ROBO1: variants seen among roughly 807,000 people sequenced by gnomAD.
The protein encoded by ROBO1 is roundabout guidance receptor 1.
In ROBO1, 149 loss-of-function variants were observed where a neutral mutation model predicts 195.9. The observed-to-expected ratio is 0.76, with a 90% confidence interval of 0.67 to 0.87. ROBO1 has a LOEUF of 0.87. Ranked by LOEUF, ROBO1 falls within the 40% of genes least tolerant of loss-of-function variation. The pLI is 0.00. For synonymous variants in ROBO1, 816 were observed against 733.2 expected (o/e 1.11, Z -1.82); for missense variants, 1,933 against 2,068.3 (o/e 0.93, Z 1.27).
At chr3:79,689,918 T>A (rs1947250066) in intron 1 of ROBO1, among the ~76,000 whole-genome samples, 1 of 151,988 alleles carries the variant, frequency 6.6e-6, no homozygotes, top group Non-Finnish European at 1.5e-5. Flanking sequence ...GGACAGTGTA[T>A]AAGTTAAAAG....
At chr3:78,714,284 G>A in intron 8 of ROBO1, 113 bp downstream of exon 8, 1 of 1,028,402 alleles carries the variant, frequency 9.7e-7, no homozygotes, top group East Asian at 2.7e-5. Flanking sequence ...ATTATTTAGA[G>A]CAATACTTAA....
chr3:79,500,943 T>C (rs928015972), intron 2 of ROBO1, among the ~76,000 whole-genome samples: 30 of 152,026 alleles, frequency 2.0e-4, no homozygotes, highest in African/African-American at 6.8e-4. Context: ...TCTCTCTCTC[T>C]CTCTCACATC....
intron 8 of ROBO1, among the ~76,000 whole-genome samples, chr3:78,710,352 A>G (rs897985506): frequency 6.6e-6 from 1 of 152,250 alleles, no homozygotes; most frequent in Non-Finnish European, 1.5e-5. Context: ...TTTATATTTG[A>G]GAAATGTCTT....
At chr3:79,641,494 A>G (rs1447837267) in intron 1 of ROBO1, among the ~76,000 whole-genome samples, 1 of 152,008 alleles carries the variant, frequency 6.6e-6, no homozygotes, top group African/African-American at 2.4e-5. Context: ...ACATGTATAC[A>G]TATGTAACTA....
chr3:79,095,996 T>C (rs2079559263), intron 3 of ROBO1, among the ~76,000 whole-genome samples: 1 of 152,096 alleles, frequency 6.6e-6, no homozygotes, highest in Admixed American at 6.6e-5. Context: ...CTGTTTTTGT[T>C]TTCTTTTATT....
At chr3:79,046,523 T>C (rs1486438599) in intron 3 of ROBO1, among the ~76,000 whole-genome samples, 5 of 152,106 alleles carry the variant, frequency 3.3e-5, no homozygotes, top group Non-Finnish European at 7.4e-5. Context: ...GGTCCCACAA[T>C]AGGCTGTCTG....
At chr3:79,517,230 A>G (rs186976755) in intron 2 of ROBO1, among the ~76,000 whole-genome samples, 1 of 152,110 alleles carries the variant, frequency 6.6e-6, no homozygotes, top group African/African-American at 2.4e-5. Context: ...TTTCAATTTG[A>G]CTAGTACTCC....
intron 3 of ROBO1, among the ~76,000 whole-genome samples, chr3:79,056,260 A>G (rs1049250435): frequency 1.3e-5 from 2 of 152,136 alleles, no homozygotes; most frequent in African/African-American, 4.8e-5. Flanking sequence ...GAATAGCCCC[A>G]CAATCTGCCA....
At chr3:78,729,220 T>C (rs772535416) in intron 5 of ROBO1, among the ~76,000 whole-genome samples, 1 of 152,226 alleles carries the variant, frequency 6.6e-6, no homozygotes, top group Non-Finnish European at 1.5e-5. Context: ...ATAATTTGAT[T>C]ATAGACTACA....
At chr3:79,429,710 A>G (rs543539495) in intron 2 of ROBO1, among the ~76,000 whole-genome samples, 3 of 152,228 alleles carry the variant, frequency 2.0e-5, no homozygotes, top group South Asian at 4.1e-4. Context: ...AAGACAATCA[A>G]TTTTTATGTC....
chr3:78,630,923 T>C (rs956385575), intron 25 of ROBO1, among the ~76,000 whole-genome samples: 1 of 152,190 alleles, frequency 6.6e-6, no homozygotes, highest in African/African-American at 2.4e-5. Flanking sequence ...TGAGCTAATA[T>C]GTATCATTTT....
intron 8 of ROBO1, 31 bp downstream of exon 8, chr3:78,714,366 C>T (rs770501837): frequency 1.0e-5 from 16 of 1,597,968 alleles, no homozygotes; most frequent in Non-Finnish European, 1.4e-5. Flanking sequence ...TATGCTAAAA[C>T]CACCAAAACA....
At chr3:78,813,493 AGTTT>A (rs956870868) in intron 4 of ROBO1, among the ~76,000 whole-genome samples, 1 of 152,166 alleles carries the variant, frequency 6.6e-6, no homozygotes, top group Non-Finnish European at 1.5e-5. Flanking sequence ...AACTTAAATT[AGTTT>A]ATTTTATATT....
chr3:79,361,594 G>A (rs1308804069), intron 2 of ROBO1, among the ~76,000 whole-genome samples: 1 of 152,008 alleles, frequency 6.6e-6, no homozygotes, highest in African/African-American at 2.4e-5. Flanking sequence ...TGGCAAGGAC[G>A]AAAATTTTAA....
intron 1 of ROBO1, among the ~76,000 whole-genome samples, chr3:79,742,784 G>A (rs1417926580): frequency 6.6e-6 from 1 of 152,086 alleles, no homozygotes; most frequent in Non-Finnish European, 1.5e-5. Flanking sequence ...TATTATTATT[G>A]TGACATTAGC....
At chr3:79,518,326 G>T (rs1941042246) in intron 2 of ROBO1, among the ~76,000 whole-genome samples, 1 of 152,098 alleles carries the variant, frequency 6.6e-6, no homozygotes. Flanking sequence ...AAAGGAAGGG[G>T]AAGGGAAGAA....
intron 1 of ROBO1, among the ~76,000 whole-genome samples, chr3:79,633,246 G>T (rs1945397222): frequency 6.7e-6 from 1 of 149,932 alleles, no homozygotes; most frequent in Non-Finnish European, 1.5e-5. Context: ...CATGATCACG[G>T]TTCCCCAGTC....
intron 4 of ROBO1, among the ~76,000 whole-genome samples, chr3:78,923,524 T>G (rs1056249697): frequency 6.6e-6 from 1 of 151,974 alleles, no homozygotes; most frequent in Non-Finnish European, 1.5e-5. Context: ...CTTTAAATGG[T>G]GTGTGTAATG....
intron 4 of ROBO1, among the ~76,000 whole-genome samples, chr3:78,803,500 T>A (rs775014518): frequency 2.6e-5 from 4 of 152,152 alleles, no homozygotes; most frequent in Non-Finnish European, 5.9e-5. Context: ...TATGAGATGT[T>A]AGCTTAGACA....
Sources: gnomAD v4.1 joint callset for allele counts (sites outside exome capture counted in the v4.1 genomes callset) on GRCh38, gnomAD v4.1.1 for gene constraint, MANE v1.5 for transcripts, NCBI Gene and HGNC (gene_info 2026-07-23, HGNC 2026-07-21) for gene names.